GMPS: variants seen among roughly 807,000 people sequenced by gnomAD.
GMPS encodes the protein GMP synthase [glutamine-hydrolyzing].
In GMPS, 15 loss-of-function variants were observed where a neutral mutation model predicts 77.9. The observed-to-expected ratio is 0.19, with a 90% confidence interval of 0.13 to 0.30. The LOEUF is 0.30. Among genes scored for constraint, GMPS ranks in the 10% least tolerant of loss-of-function variants. GMPS has a pLI of 1.00. For missense variants in GMPS, 590 were observed against 838.8 expected, an observed-to-expected ratio of 0.70 and a Z score of 3.66; for synonymous variants, 224 against 275.9, an observed-to-expected ratio of 0.81 and a Z score of 1.86.
At chr3:155,922,147 T>A in intron 10 of GMPS, 40 bp from the exon 11 acceptor site, 1 of 747,680 alleles carries the variant, frequency 1.3e-6, no homozygotes, top group Non-Finnish European at 2.1e-6. Flanking sequence ...ATTAGAAATA[T>A]AACATTAATG....
chr3:155,924,015 G>T lies in GMPS; in HGVS notation c.1435-1226G>T, dbSNP rs557597977. On this transcript the variant is annotated intron_variant, in intron 11 of 15. Coordinates refer to ENST00000496455, the MANE Select transcript of GMPS (RefSeq NM_003875.3). Reference sequence around the variant, plus strand: ...CCTGCCTCAGCCTCCCGAGTAGCTGGGATTACAGGCATGTGCCATCACGCT... The same window carrying T: ...CCTGCCTCAGCCTCCCGAGTAGCTGTGATTACAGGCATGTGCCATCACGCT... Among the ~76,000 whole-genome samples the T allele has an allele frequency of 1.4e-4, 22 of 152,298 alleles. No individual in the cohort carries two copies. In the South Asian group the frequency reaches 4.6e-3, roughly 32 times the overall value.
rs190128503 is a variant in GMPS at position 155,873,616 on chromosome 3, C to T, written c.27+2719C>T. 2.5e-4 allele frequency among the ~76,000 whole-genome samples: 31 copies of T among 125,648 alleles called. No homozygotes were observed. In the East Asian group the frequency reaches 6.1e-3, roughly 25 times the overall value. The allele number at this position is 125,648 out of a possible 152,430, so 82.4% of individuals were successfully genotyped here. On this transcript the variant is annotated intron_variant, in intron 1 of 15. Coordinates refer to ENST00000496455, the MANE Select transcript of GMPS (RefSeq NM_003875.3). Reference sequence around the variant, plus strand: ...CCGTATGTTATTGGGGAGCAGGTGTCGTTAGGTTACATGAGTAAGTTCTTT... The same window carrying T: ...CCGTATGTTATTGGGGAGCAGGTGTTGTTAGGTTACATGAGTAAGTTCTTT...
chr3:155,870,228 G>C (rs547907740), upstream of GMPS, among the ~76,000 whole-genome samples: 3 of 152,242 alleles, frequency 2.0e-5, no homozygotes, highest in Admixed American at 1.3e-4. Flanking sequence ...CCACGCCACC[G>C]GCTAAGAGTT....
At chr3:155,871,310 C>T (rs1304272650) in intron 1 of GMPS, among the ~76,000 whole-genome samples, 1 of 151,966 alleles carries the variant, frequency 6.6e-6, no homozygotes, top group Non-Finnish European at 1.5e-5. Context: ...GCTGGGGGCC[C>T]GTTGTGGCGA....
intron 1 of GMPS, among the ~76,000 whole-genome samples, chr3:155,883,678 C>T (rs1449608164): frequency 6.6e-6 from 1 of 152,110 alleles, no homozygotes; most frequent in African/African-American, 2.4e-5. Context: ...ACAGGCTATA[C>T]ATGTGCACAT....
intron 8 of GMPS, 29 bp downstream of exon 8, chr3:155,914,599 G>A: frequency 7.1e-7 from 1 of 1,418,274 alleles, no homozygotes; most frequent in Non-Finnish European, 9.6e-7. Context: ...TCCTCAACAT[G>A]TACTATTTTT....
At position 155,928,896 on chromosome 3, in the gene GMPS, A is replaced by G. The variant is rs1755526362; in HGVS notation, c.1561-2869A>G. 2.0e-5 allele frequency among the ~76,000 whole-genome samples: 3 copies of G among 151,246 alleles called. No homozygotes were observed. In the South Asian group the frequency reaches 6.3e-4, roughly 32 times the overall value. On this transcript the variant is annotated intron_variant, in intron 12 of 15. Coordinates refer to ENST00000496455, the MANE Select transcript of GMPS (RefSeq NM_003875.3). ...ATTTTTTATGGCTGCATAGTATTCCATGGTGTATATGTGCCACATTTTCTT... is the reference window on the plus strand; with the variant it reads ...ATTTTTTATGGCTGCATAGTATTCCGTGGTGTATATGTGCCACATTTTCTT...
chr3:155,921,681 A>G (rs903324742), intron 10 of GMPS, among the ~76,000 whole-genome samples: 1 of 152,090 alleles, frequency 6.6e-6, no homozygotes, highest in African/African-American at 2.4e-5. Context: ...AATCCAAGCT[A>G]TTTAGGAGGC....
In GMPS at chr3:155,910,700, A is replaced by G; in HGVS notation, c.535A>G (p.Asn179Asp). ...RSGNIVAGIA[N>D]ESKKLYGAQF... ...CTATTTTCTCTATAAAGGCATAGCA[A>G]ATGAATCTAAAAAGTTATATGGAGC... The change falls in exon 6 of 16, where the codon AAT becomes GAT. Residue 179 changes from asparagine to aspartate, a missense_variant. Coordinates refer to ENST00000496455, the MANE Select transcript of GMPS (RefSeq NM_003875.3). 2 of 1,558,758 alleles carry G rather than the reference A, an allele frequency of 1.3e-6. No homozygotes were observed. The highest frequency in any genetic ancestry group is 1.7e-6 in the Non-Finnish European group (2 of 1,153,276).
intron 14 of GMPS, 147 bp downstream of exon 14, chr3:155,935,193 T>C: frequency 1.5e-6 from 1 of 684,010 alleles, no homozygotes; most frequent in Non-Finnish European, 2.6e-6. Flanking sequence ...TTGCTTTTTT[T>C]TCTTGAGACG....
At chr3:155,876,719 G>T (rs1433589523) in intron 1 of GMPS, among the ~76,000 whole-genome samples, 1 of 152,148 alleles carries the variant, frequency 6.6e-6, no homozygotes, top group African/African-American at 2.4e-5. Context: ...CCCCAGTGAT[G>T]TGTATTTAAA....
chr3:155,873,459 G>T (rs1435257373), intron 1 of GMPS, among the ~76,000 whole-genome samples: 1 of 151,518 alleles, frequency 6.6e-6, no homozygotes, highest in African/African-American at 2.4e-5. Context: ...GACAGTTCTC[G>T]CTGTGTTGCT....
intron 11 of GMPS, among the ~76,000 whole-genome samples, chr3:155,924,376 A>G (rs192821969): frequency 2.7e-4 from 41 of 152,376 alleles, no homozygotes; most frequent in Non-Finnish European, 4.9e-4. Context: ...GTTCTTGTTT[A>G]TTAGAAAATG....
chr3:155,933,096 G>A (rs1355272018), intron 13 of GMPS, among the ~76,000 whole-genome samples: 3 of 152,156 alleles, frequency 2.0e-5, no homozygotes, highest in African/African-American at 7.2e-5. Context: ...GGAGGCTGAG[G>A]CAGAAGAATG....
At chr3:155,869,445 A>G (rs1352249157), upstream of GMPS, among the ~76,000 whole-genome samples, 1 of 152,212 alleles carries the variant, frequency 6.6e-6, no homozygotes. Context: ...GCCAGTATCC[A>G]TGGCTTTGGA....
At chr3:155,921,087 CAA>C (rs542983769) in intron 10 of GMPS, among the ~76,000 whole-genome samples, 1 of 152,070 alleles carries the variant, frequency 6.6e-6, no homozygotes, top group Non-Finnish European at 1.5e-5. Flanking sequence ...ACTAAAAATA[CAA>C]AAAATTAGCT....
intron 14 of GMPS, 84 bp downstream of exon 14, chr3:155,935,130 G>A: frequency 1.1e-6 from 1 of 881,588 alleles, no homozygotes; most frequent in Non-Finnish European, 1.9e-6. Context: ...TGTGGCTTTT[G>A]CTTTTTAGAT....
At chr3:155,930,916 G>A (rs894988223) in intron 12 of GMPS, among the ~76,000 whole-genome samples, 2 of 152,074 alleles carry the variant, frequency 1.3e-5, no homozygotes, top group East Asian at 1.9e-4. Context: ...CGACCTCGTT[G>A]GGCTCAGGTG....
chr3:155,891,934 A>G (rs1754481315), intron 1 of GMPS, among the ~76,000 whole-genome samples: 1 of 152,060 alleles, frequency 6.6e-6, no homozygotes, highest in Non-Finnish European at 1.5e-5. Context: ...CAGACGGAAT[A>G]GTGGTGTTGT....
Sources: gnomAD v4.1 joint callset for allele counts (sites outside exome capture counted in the v4.1 genomes callset) on GRCh38, gnomAD v4.1.1 for gene constraint, MANE v1.5 for transcripts, NCBI Gene and HGNC (gene_info 2026-07-23, HGNC 2026-07-21) for gene names.